The following ARHGAP42 variants were observed in gnomAD, a reference collection of about 807,000 sequenced individuals.
ARHGAP42 encodes Rho GTPase activating protein 42.
Under a neutral mutation model 125.0 loss-of-function variants are expected in ARHGAP42, and 63 were observed. The ratio of observed to expected loss-of-function variants is 0.50; its 90% CI spans 0.41 to 0.62. The LOEUF (loss-of-function observed/expected upper bound fraction) is 0.62, where lower values mean the gene tolerates loss of function less well. Ranked by LOEUF, ARHGAP42 falls within the 20% of genes least tolerant of loss-of-function variation. ARHGAP42 has a pLI of 0.00. For synonymous variants in ARHGAP42, 339 were observed against 351.0 expected, an observed-to-expected ratio of 0.97 and a Z score of 0.38; for missense variants, 766 against 1,024.2, an observed-to-expected ratio of 0.75 and a Z score of 3.44.
intron 2 of ARHGAP42, among the ~76,000 whole-genome samples, chr11:100,780,733 A>G (rs971987369): frequency 6.6e-6 from 1 of 152,232 alleles, no homozygotes; most frequent in Non-Finnish European, 1.5e-5. Context: ...TATTCAGTAA[A>G]TACTTAAGTA....
chr11:100,992,008 A>G lies in ARHGAP42; in HGVS notation c.*3207A>G, dbSNP rs1390943744. 6.6e-6 allele frequency: 2 copies of G among 304,600 alleles called. No homozygotes were observed. Among genetic ancestry groups the G allele is most frequent in the African/African-American group, 2.1e-5 (1 of 46,648 alleles). 18.9% of individuals were successfully genotyped at this position (304,600 alleles called of 1,614,324 possible). On this transcript the variant is annotated 3_prime_UTR_variant, in exon 24 of 24. Coordinates refer to ENST00000298815, the MANE Select transcript of ARHGAP42 (RefSeq NM_152432.4). The stretch of plus-strand genomic sequence containing the variant: ...TAAAAATTCACTATGTTGTGAGGCA[A>G]ACAGATTTCTCACTATCATCCAGTG...
At chr11:100,754,489 A>G (rs1333262422) in intron 1 of ARHGAP42, among the ~76,000 whole-genome samples, 1 of 152,218 alleles carries the variant, frequency 6.6e-6, no homozygotes, top group East Asian at 1.9e-4. Context: ...GCTGAGTTCT[A>G]TTCCATACTT....
At chr11:100,945,381 G>A (rs193078588) in intron 10 of ARHGAP42, among the ~76,000 whole-genome samples, 27 of 152,102 alleles carry the variant, frequency 1.8e-4, no homozygotes, top group South Asian at 6.2e-4. Context: ...TTCCTCCCAC[G>A]AGGGACAAAT....
chr11:100,766,255 A>G (rs1158080256), intron 1 of ARHGAP42, among the ~76,000 whole-genome samples: 1 of 142,278 alleles, frequency 7.0e-6, no homozygotes, highest in African/African-American at 2.6e-5. Flanking sequence ...TGTGGGGGGC[A>G]TGTGAAGTAT....
intron 4 of ARHGAP42, among the ~76,000 whole-genome samples, chr11:100,895,195 A>C (rs1866320790): frequency 6.6e-6 from 1 of 152,206 alleles, no homozygotes; most frequent in Non-Finnish European, 1.5e-5. Context: ...AGGACTGTTG[A>C]CAGTGTTTAC....
intron 5 of ARHGAP42, among the ~76,000 whole-genome samples, chr11:100,916,399 G>A (rs539819919): frequency 2.0e-5 from 3 of 152,264 alleles, no homozygotes; most frequent in East Asian, 1.9e-4. Context: ...TATACAAGAA[G>A]CATTGGAAAA....
rs545217285 is a variant in ARHGAP42, at chr11:100,707,935, G to A, written c.154+20103G>A. Among the ~76,000 whole-genome samples the A allele has an allele frequency of 7.1e-4, 108 of 152,258 alleles. 1 individual carries two copies. In the South Asian group the frequency reaches 0.022, roughly 31 times the overall value. On this transcript the variant is annotated intron_variant, in intron 1 of 23. Transcript: ENST00000298815. ...TTTGTACATACTTTCTTGATAGTAG[G>A]CATACAGCATAGGAATCTTATATGA...
At chr11:100,823,364 T>C (rs1864445820) in intron 3 of ARHGAP42, among the ~76,000 whole-genome samples, 1 of 152,152 alleles carries the variant, frequency 6.6e-6, no homozygotes, top group Non-Finnish European at 1.5e-5. Context: ...GGATGGTGGA[T>C]CACCTCTTGC....
At chr11:100,955,060 A>G (rs539098501) in intron 12 of ARHGAP42, among the ~76,000 whole-genome samples, 1 of 152,170 alleles carries the variant, frequency 6.6e-6, no homozygotes, top group African/African-American at 2.4e-5. Flanking sequence ...ATTGCTAGGA[A>G]ATTGAAGGTG....
chr11:100,805,566 GAAAC>G (rs1309885687), intron 3 of ARHGAP42, among the ~76,000 whole-genome samples: 1 of 152,168 alleles, frequency 6.6e-6, no homozygotes, highest in African/African-American at 2.4e-5. Context: ...TAGGTGTAAA[GAAAC>G]AAAAGAATGG....
chr11:100,786,449 T>C (rs752394484), intron 2 of ARHGAP42, among the ~76,000 whole-genome samples: 2 of 152,264 alleles, frequency 1.3e-5, no homozygotes, highest in African/African-American at 2.4e-5. Flanking sequence ...GAAAATGAAA[T>C]GTTGTCCTTT....
At chr11:100,823,286 T>C (rs1324413389) in intron 3 of ARHGAP42, among the ~76,000 whole-genome samples, 1 of 152,152 alleles carries the variant, frequency 6.6e-6, no homozygotes, top group Non-Finnish European at 1.5e-5. Context: ...TTGGTCTGCT[T>C]TGTGAAAGAT....
At chr11:100,862,660 G>A (rs1221259354) in intron 4 of ARHGAP42, among the ~76,000 whole-genome samples, 1 of 152,138 alleles carries the variant, frequency 6.6e-6, no homozygotes, top group Non-Finnish European at 1.5e-5. Flanking sequence ...TATTTTATCT[G>A]TCTGATGCAT....
rs374920745 is a variant in ARHGAP42, at chr11:100,724,462, C to T, written c.154+36630C>T. Among the ~76,000 whole-genome samples, 18 of 151,996 alleles carry T rather than the reference C, an allele frequency of 1.2e-4. No homozygotes were observed. In the South Asian group the frequency reaches 1.2e-3, roughly 11 times the overall value. On this transcript the variant is annotated intron_variant, in intron 1 of 23. Transcript: ENST00000298815. ...TGTATGCACCTAGTGCTTTCTTTTTCGGGAGGTTTTTAGTTATTATTATTA... is the reference window on the plus strand; with the variant it reads ...TGTATGCACCTAGTGCTTTCTTTTTTGGGAGGTTTTTAGTTATTATTATTA...
At chr11:100,822,491 T>C (rs1215243607) in intron 3 of ARHGAP42, among the ~76,000 whole-genome samples, 4 of 152,156 alleles carry the variant, frequency 2.6e-5, no homozygotes, top group Non-Finnish European at 5.9e-5. Context: ...CTATTGCTTT[T>C]CTTGTAGAAA....
intron 21 of ARHGAP42, among the ~76,000 whole-genome samples, chr11:100,977,263 G>A (rs1320975425): frequency 6.6e-6 from 1 of 152,172 alleles, no homozygotes; most frequent in African/African-American, 2.4e-5. Flanking sequence ...GTAGTTATAA[G>A]CTTTGGAACT....
chr11:100,899,248 T>A (rs184378088), intron 4 of ARHGAP42, among the ~76,000 whole-genome samples: 3 of 152,106 alleles, frequency 2.0e-5, no homozygotes, highest in Non-Finnish European at 4.4e-5. Context: ...TGCTGAGGAG[T>A]GCTTTACTTC....
At chr11:100,847,355 C>T (rs146181853) in intron 3 of ARHGAP42, among the ~76,000 whole-genome samples, 14 of 152,254 alleles carry the variant, frequency 9.2e-5, no homozygotes, top group Middle Eastern at 3.4e-3. Context: ...TTAGGACTGT[C>T]AAATGCATCT....
chr11:100,877,656 C>G (rs1331435539), intron 4 of ARHGAP42, among the ~76,000 whole-genome samples: 1 of 152,150 alleles, frequency 6.6e-6, no homozygotes, highest in Non-Finnish European at 1.5e-5. Flanking sequence ...AATCCTGGCT[C>G]TGCTGTGTGT....
Sources: allele counts gnomAD v4.1 joint callset (sites outside exome capture counted in the v4.1 genomes callset), GRCh38; gene constraint gnomAD v4.1.1; transcripts MANE v1.5; gene names NCBI Gene and HGNC (gene_info 2026-07-23, HGNC 2026-07-21).